OR8B8: variants seen among roughly 807,000 people sequenced by gnomAD.
OR8B8 encodes olfactory receptor family 8 subfamily B member 8, also known as olfactory receptor 8B8.
Under a neutral mutation model 10.5 loss-of-function variants are expected in OR8B8, and 8 were observed. The observed-to-expected ratio is 0.76, with a 90% confidence interval of 0.45 to 1.38. The LOEUF is 1.38. Ranked by LOEUF, OR8B8 falls within the 40% of genes most tolerant of loss-of-function variation. The pLI, the probability that OR8B8 is intolerant of heterozygous loss-of-function variation, is 0.00. For missense variants in OR8B8, 390 were observed against 380.5 expected (o/e 1.03, Z -0.21); for synonymous variants, 150 against 145.2 (o/e 1.03, Z -0.24).
chr11:124,440,104 C>A lies in OR8B8; in HGVS notation c.*46G>T. On this transcript the variant is annotated 3_prime_UTR_variant, in exon 3 of 3. Coordinates refer to ENST00000642064, the MANE Select transcript of OR8B8 (RefSeq NM_012378.2). ...TCCATGTAACCAGTGGAGTCCAAAT[C>A]ACTTATGGGAGAAACAGTGTTTCTT... 2.0e-6 allele frequency: 3 copies of A among 1,471,192 alleles called. No individual in the cohort carries two copies. The highest frequency in any genetic ancestry group is 2.5e-5 in the South Asian group (2 of 80,600). 91.1% of individuals were successfully genotyped at this position (1,471,192 alleles called of 1,614,324 possible).
rs75102023 is a variant in OR8B8 at position 124,440,095 on chromosome 11, A to G, written c.*55T>C. ...TATATTTCTTCCATGTAACCAGTGG[A>G]GTCCAAATCACTTATGGGAGAAACA... is the stretch of plus-strand genomic sequence containing the variant. On this transcript the variant is annotated 3_prime_UTR_variant, in exon 3 of 3. Transcript: ENST00000642064. 2.9e-3 allele frequency: 3,988 copies of G among 1,358,492 alleles called. 117 individuals carry two copies. The African/African-American group carries it at 0.052, about 18-fold the overall frequency. The allele number at this position is 1,358,492 out of a possible 1,614,324, so 84.2% of individuals were successfully genotyped here. A position where few individuals can be genotyped will look rare whatever the true frequency, so the allele number is the denominator to read the frequency against.
intron 1 of OR8B8, among the ~76,000 whole-genome samples, chr11:124,443,149 G>A (rs1761105725): frequency 2.0e-5 from 1 of 49,138 alleles, no homozygotes; most frequent in Non-Finnish European, 3.9e-5. Flanking sequence ...ACCAGTCAGA[G>A]TTGGTTGGTG....
intron 1 of OR8B8, among the ~76,000 whole-genome samples, chr11:124,442,816 G>C (rs7118658): frequency 6.6e-6 from 1 of 152,020 alleles, no homozygotes; most frequent in Non-Finnish European, 1.5e-5. Context: ...CTTGAGCTCA[G>C]TGACAGCTAG....
In OR8B8 at chr11:124,437,679, T is replaced by C. The variant is rs1027200797; in HGVS notation, c.*2471A>G. On this transcript the variant is annotated 3_prime_UTR_variant, in exon 3 of 3. Coordinates refer to ENST00000642064, the MANE Select transcript of OR8B8 (RefSeq NM_012378.2). ...GTGTGTGTGTGTGTGCGCGCGCGCG[T>C]GCGTGCGTGCTGGGATTACAGGCGT... 4.8e-5 allele frequency: 7 copies of C among 144,358 alleles called. No homozygotes were observed. The highest frequency in any genetic ancestry group is 1.1e-4 in the African/African-American group (4 of 38,028). 8.9% of individuals were successfully genotyped at this position (144,358 alleles called of 1,614,324 possible).
Position 124,440,217 on chromosome 11 carries a change from T to C in OR8B8, c.869A>G (p.Tyr290Cys), listed in dbSNP as rs1365611184. Residue 290 changes from tyrosine to cysteine, a missense_variant, in exon 3 of 3, where the codon TAT (tyrosine) becomes TGT (cysteine). By Grantham distance (194) the Tyr-to-Cys change is radical (BLOSUM62 -2). Coordinates refer to ENST00000642064, the MANE Select transcript of OR8B8 (RefSeq NM_012378.2). ...TTTGACGTCCTTATTCCTCAGGCTA[T>C]AAATTAATGGGTTGAGCATGGGCAC... The part of the protein sequence containing the change: ...TVVPMLNPLI[Y>C]SLRNKDVKVA... 5.0e-6 allele frequency: 8 copies of C among 1,614,172 alleles called. No individual in the cohort carries two copies. Among genetic ancestry groups the C allele is most frequent in the Middle Eastern group, 1.6e-4 (1 of 6,062 alleles).
Position 124,440,554 on chromosome 11 carries a change from TGTA to T in OR8B8, c.529_531del (p.Tyr177del), listed in dbSNP as rs751566514. Reference sequence around the variant, plus strand: ...TCAAGAAGGGGAAGGATGTCACACATGTAGTGGTTGACAAGGTTATTGGCACAG... The same window carrying T: ...TCAAGAAGGGGAAGGATGTCACACATGTGGTTGACAAGGTTATTGGCACAG... On this transcript the variant is annotated inframe_deletion, in exon 3 of 3. Coordinates refer to ENST00000642064, the MANE Select transcript of OR8B8 (RefSeq NM_012378.2). 1.9e-5 allele frequency: 30 copies of T among 1,614,054 alleles called. No individual in the cohort carries two copies. In the South Asian group the frequency reaches 3.1e-4, roughly 17 times the overall value.
chr11:124,437,661 TGTGTGTGCGC>T lies in OR8B8; in HGVS notation c.*2479_*2488del, dbSNP rs1173104141. 1.8e-4 allele frequency: 22 copies of T among 123,938 alleles called. No individual in the cohort carries two copies. The highest frequency in any genetic ancestry group is 7.2e-4 in the African/African-American group (21 of 29,210). The allele number at this position is 123,938 out of a possible 1,614,324, so 7.7% of individuals were successfully genotyped here. On this transcript the variant is annotated 3_prime_UTR_variant, in exon 3 of 3. Transcript: ENST00000642064. The stretch of plus-strand genomic sequence containing the variant: ...GTGTGTGTGTGTGTGTGTGTGTGTG[TGTGTGTGCGC>T]GCGCGCGTGCGTGCGTGCTGGGATT...
chr11:124,444,039 C>T (rs1861503192), intron 1 of OR8B8, among the ~76,000 whole-genome samples: 1 of 152,114 alleles, frequency 6.6e-6, no homozygotes, highest in Non-Finnish European at 1.5e-5. Flanking sequence ...TCCTAAATTC[C>T]CCATTAAGGT....
chr11:124,442,504 A>C (rs1322373179), intron 1 of OR8B8, among the ~76,000 whole-genome samples: 1 of 152,242 alleles, frequency 6.6e-6, no homozygotes, highest in Non-Finnish European at 1.5e-5. Context: ...TCCAGAAGAC[A>C]AACCAATCTG....
At position 124,437,556 on chromosome 11, in the gene OR8B8, G is replaced by A. The variant is rs1861414792; in HGVS notation, c.*2594C>T. The A allele has an allele frequency of 6.6e-6, 1 of 152,128 alleles. No homozygotes were observed. The highest frequency in any genetic ancestry group is 1.5e-5 in the Non-Finnish European group (1 of 68,072). 9.4% of individuals were successfully genotyped at this position (152,128 alleles called of 1,614,324 possible). On this transcript the variant is annotated 3_prime_UTR_variant, in exon 3 of 3. Transcript: ENST00000642064. ...CGTGTCTGGTGAGAGCCCGCTTTCT[G>A]CCTCATAGACAGAGCCTTCTTGTTT...
Position 124,440,354 on chromosome 11 carries a change from G to A in OR8B8, c.732C>T (p.His244=). 6.2e-7 allele frequency: 1 copy of A among 1,614,230 alleles called. No homozygotes were observed. The highest frequency in any genetic ancestry group is 8.5e-7 in the Non-Finnish European group (1 of 1,180,044). ...RSKAFSTCSS[H]IIAVSLFFGS... is the part of the protein sequence containing the mutation. Reference sequence around the variant, plus strand: ...CAAAGAACAGAGAAACTGCAATTATGTGGGAGCTGCAGGTGCTGAAGGCTT... The same window carrying A: ...CAAAGAACAGAGAAACTGCAATTATATGGGAGCTGCAGGTGCTGAAGGCTT... Residue 244 remains histidine, a synonymous_variant, in exon 3 of 3, where the codon CAC becomes CAT. Transcript: ENST00000642064.
Position 124,440,780 on chromosome 11 carries a change from G to C in OR8B8, c.306C>G (p.Phe102Leu). The C allele has an allele frequency of 7.4e-6, 12 of 1,614,186 alleles. No homozygotes were observed. Among genetic ancestry groups the C allele is most frequent in the Non-Finnish European group, 1.0e-5 (12 of 1,180,032 alleles). The part of the protein sequence containing the change: ...ISYAGCMTQL[F>L]FFLFFVVSES... ...CAGAGACAACAAAGAAAAGAAAGAA[G>C]AAGAGCTGAGTCATACACCCTGCGT... is the stretch of plus-strand genomic sequence containing the variant. The change falls in exon 3 of 3, where the codon TTC (phenylalanine) becomes TTG (leucine). Residue 102 changes from phenylalanine to leucine, a missense_variant. Transcript: ENST00000642064.
rs1049644662 is a variant in OR8B8, at chr11:124,438,040, A to T, written c.*2110T>A. On this transcript the variant is annotated 3_prime_UTR_variant, in exon 3 of 3. Coordinates refer to ENST00000642064, the MANE Select transcript of OR8B8 (RefSeq NM_012378.2). Reference sequence around the variant, plus strand: ...AAGTGCTGATATTAAAAGGAAAAGGATCTGGCAGGGACAGAAACAAATTTA... The same window carrying T: ...AAGTGCTGATATTAAAAGGAAAAGGTTCTGGCAGGGACAGAAACAAATTTA... 4 of 152,226 alleles carry T rather than the reference A, an allele frequency of 2.6e-5. No individual in the cohort carries two copies. The highest frequency in any genetic ancestry group is 2.1e-4 in the South Asian group (1 of 4,828). The allele number at this position is 152,226 out of a possible 1,614,324, so 9.4% of individuals were successfully genotyped here.
chr11:124,445,468 A>T (rs1861518609), intron 1 of OR8B8, 108 bp downstream of exon 1: 1 of 152,236 alleles, frequency 6.6e-6, no homozygotes, highest in Non-Finnish European at 1.5e-5. Context: ...ACCTCCATGC[A>T]GCAAGCTAAT....
intron 1 of OR8B8, among the ~76,000 whole-genome samples, chr11:124,444,617 T>C (rs1034609265): frequency 3.9e-5 from 6 of 152,214 alleles, no homozygotes; most frequent in Non-Finnish European, 7.3e-5. Context: ...AATCTCTAAT[T>C]CTCAATCTCC....
rs368536202 is a variant in OR8B8, at chr11:124,440,658, A to C, written c.428T>G (p.Leu143Arg). 43 of 1,614,182 alleles carry C rather than the reference A, an allele frequency of 2.7e-5. No individual in the cohort carries two copies. The African/African-American group carries it at 5.5e-4, about 21-fold the overall frequency. ...CATCCCATAGACACCCAACAAAAGG[A>C]GAAAACACACCTGGGGAGACATGGT... The part of the protein sequence containing the change: ...MVTMSPQVCF[L>R]LLLGVYGMGF... The change falls in exon 3 of 3, where the codon CTC becomes CGC. Residue 143 changes from leucine to arginine, a missense_variant. Transcript: ENST00000642064.
At position 124,440,183 on chromosome 11, in the gene OR8B8, T is replaced by C; in HGVS notation, c.903A>G (p.Leu301=). The part of the protein sequence containing the change: ...SLRNKDVKVA[L]KKILNKNAFS ...ATGCATTTTTGTTCAAGATTTTCTT[T>C]AGAGCAACTTTGACGTCCTTATTCC... The change falls in exon 3 of 3, where the codon CTA becomes CTG. Residue 301 remains leucine (L), a synonymous_variant. Transcript: ENST00000642064. 6.2e-7 allele frequency: 1 copy of C among 1,613,124 alleles called. No homozygotes were observed. Among genetic ancestry groups the C allele is most frequent in the Non-Finnish European group, 8.5e-7 (1 of 1,179,712 alleles).
chr11:124,441,061 CGAA>C lies in OR8B8; in HGVS notation c.22_24del (p.Phe8del). On this transcript the variant is annotated inframe_deletion, in exon 3 of 3. Coordinates refer to ENST00000642064, the MANE Select transcript of OR8B8 (RefSeq NM_012378.2). Reference sequence around the variant, plus strand: ...AAGCCTGCGAGGATAAACTGTGTCACGAAGGAGGAATTCTCAGCAGCCATTGTC... The same window carrying C: ...AAGCCTGCGAGGATAAACTGTGTCACGGAGGAATTCTCAGCAGCCATTGTC... The C allele has an allele frequency of 1.2e-6, 2 of 1,611,670 alleles. No individual in the cohort carries two copies. The highest frequency in any genetic ancestry group is 1.1e-5 in the South Asian group (1 of 91,032).
chr11:124,441,821 T>C (rs1177609135), intron 1 of OR8B8, among the ~76,000 whole-genome samples, 198 bp from the exon 2 acceptor site: 1 of 152,198 alleles, frequency 6.6e-6, no homozygotes, highest in African/African-American at 2.4e-5. Context: ...GACAGGAGAC[T>C]GAGCAGTTTT....
Sources: allele counts gnomAD v4.1 joint callset (sites outside exome capture counted in the v4.1 genomes callset), GRCh38; gene constraint gnomAD v4.1.1; transcripts MANE v1.5; gene names NCBI Gene and HGNC (gene_info 2026-07-23, HGNC 2026-07-21).